The following TBCA variants were observed in gnomAD, a reference collection of about 807,000 sequenced individuals.
TBCA encodes the protein tubulin folding cofactor A.
Under a neutral mutation model 15.8 loss-of-function variants are expected in TBCA, and 6 were observed. That is an observed-to-expected ratio of 0.38 (90% CI 0.21 to 0.75). The LOEUF (loss-of-function observed/expected upper bound fraction) is 0.75. Ranked by LOEUF, TBCA falls within the 30% of genes least tolerant of loss-of-function variation. The pLI, the probability that TBCA is intolerant of heterozygous loss-of-function variation, is 0.46. For synonymous variants in TBCA, 32 were observed against 42.3 expected (o/e 0.76, Z 0.94); for missense variants, 90 against 131.2 (o/e 0.69, Z 1.53).
At chr5:77,724,504 G>C (rs905762606) in intron 1 of TBCA, among the ~76,000 whole-genome samples, 1 of 151,944 alleles carries the variant, frequency 6.6e-6, no homozygotes, top group East Asian at 1.9e-4. Flanking sequence ...CATGTCAGAG[G>C]ACAATACTAT....
At chr5:77,737,581 G>C (rs1746939579) in intron 1 of TBCA, among the ~76,000 whole-genome samples, 1 of 152,100 alleles carries the variant, frequency 6.6e-6, no homozygotes, top group Non-Finnish European at 1.5e-5. Context: ...CCTGTCTCAG[G>C]TTCATCGTTT....
Position 77,755,161 on chromosome 5 carries a change from G to A in TBCA, c.53+21044C>T, listed in dbSNP as rs190638987. Among the ~76,000 whole-genome samples the A allele has an allele frequency of 2.1e-3, 327 of 152,346 alleles. 1 individual carries two copies. Among genetic ancestry groups the A allele is most frequent in the African/African-American group, 7.5e-3 (312 of 41,570 alleles). On this transcript the variant is annotated intron_variant, in intron 1 of 3. Coordinates refer to ENST00000380377, the MANE Select transcript of TBCA (RefSeq NM_004607.3). The stretch of plus-strand genomic sequence containing the variant: ...CAGTGGATTTTATCTCAGTAGAAAA[G>A]TAGCAGCAGACTTAAAGCAGGCAGA...
chr5:77,702,766 T>C (rs352555), intron 2 of TBCA, among the ~76,000 whole-genome samples: 57,866 of 152,074 alleles, frequency 0.38, 11,047 homozygotes, highest in South Asian at 0.41. Context: ...TCTTTGAATA[T>C]CTTTTGGAAT....
intron 1 of TBCA, among the ~76,000 whole-genome samples, chr5:77,774,714 T>C (rs1210903679): frequency 6.6e-6 from 1 of 152,174 alleles, no homozygotes; most frequent in Non-Finnish European, 1.5e-5. Context: ...CTCGGGCACA[T>C]GTCATCAGGA....
intron 1 of TBCA, among the ~76,000 whole-genome samples, chr5:77,713,867 G>A (rs1746336645): frequency 6.6e-6 from 1 of 151,364 alleles, no homozygotes. Flanking sequence ...ATAACCCACA[G>A]GAGTTATAGA....
chr5:77,717,884 C>A (rs906736577), intron 1 of TBCA, among the ~76,000 whole-genome samples: 1 of 151,544 alleles, frequency 6.6e-6, no homozygotes, highest in Non-Finnish European at 1.5e-5. Flanking sequence ...AATCCCAGCA[C>A]TTTGGGAGGC....
intron 1 of TBCA, among the ~76,000 whole-genome samples, chr5:77,761,204 T>C (rs1249095715): frequency 1.3e-5 from 2 of 149,858 alleles, no homozygotes; most frequent in Non-Finnish European, 3.0e-5. Flanking sequence ...AAGGGGGAAA[T>C]GTGGGGAAAA....
At chr5:77,762,460 G>A (rs1442398605) in intron 1 of TBCA, among the ~76,000 whole-genome samples, 1 of 152,024 alleles carries the variant, frequency 6.6e-6, no homozygotes, top group African/African-American at 2.4e-5. Context: ...AGAAGATGAG[G>A]GGTATAATCT....
intron 2 of TBCA, among the ~76,000 whole-genome samples, chr5:77,697,768 T>C (rs1467739113): frequency 6.6e-6 from 1 of 151,492 alleles, no homozygotes; most frequent in African/African-American, 2.4e-5. Context: ...CAGAAGGAAA[T>C]AATATATAAG....
At chr5:77,692,584 G>T in intron 3 of TBCA, 1 of 985,030 alleles carries the variant, frequency 1.0e-6, no homozygotes, top group Non-Finnish European at 1.2e-6. Context: ...TGCACCTGGC[G>T]GCCAACATTA....
intron 1 of TBCA, among the ~76,000 whole-genome samples, chr5:77,767,574 G>A (rs1049234336): frequency 6.6e-6 from 1 of 152,124 alleles, no homozygotes; most frequent in Non-Finnish European, 1.5e-5. Flanking sequence ...CTGGGGCTTG[G>A]GGGTAGGGAA....
intron 1 of TBCA, among the ~76,000 whole-genome samples, chr5:77,724,106 A>G (rs149744044): frequency 6.6e-6 from 1 of 152,196 alleles, no homozygotes; most frequent in African/African-American, 2.4e-5. Flanking sequence ...TTCAACAACA[A>G]TCATGTAAAC....
intron 1 of TBCA, among the ~76,000 whole-genome samples, chr5:77,763,349 G>A (rs895872088): frequency 6.6e-6 from 1 of 152,114 alleles, no homozygotes; most frequent in African/African-American, 2.4e-5. Flanking sequence ...GTAAAATTAA[G>A]AAGTCTATCA....
intron 1 of TBCA, among the ~76,000 whole-genome samples, chr5:77,731,501 G>T (rs1561273679): frequency 6.6e-6 from 1 of 152,168 alleles, no homozygotes; most frequent in African/African-American, 2.4e-5. Flanking sequence ...AATATTTTAA[G>T]TGTCATCCAA....
In TBCA at chr5:77,708,226, T is replaced by C. The variant is rs1402424433; in HGVS notation, c.159+16A>G. The C allele has an allele frequency of 1.6e-6, 2 of 1,235,804 alleles. No homozygotes were observed. Among genetic ancestry groups the C allele is most frequent in the Non-Finnish European group, 2.3e-6 (2 of 877,508 alleles). 76.6% of individuals were successfully genotyped at this position (1,235,804 alleles called of 1,614,324 possible). On this transcript the variant is annotated intron_variant, in intron 2 of 3. Transcript: ENST00000380377. The stretch of plus-strand genomic sequence containing the variant: ...TCTGTAAATGTTAGCTATTGTTATT[T>C]ATGATATAATTTTACCTGCTTTTTA...
At chr5:77,712,849 T>C (rs1454111335) in intron 1 of TBCA, among the ~76,000 whole-genome samples, 1 of 152,212 alleles carries the variant, frequency 6.6e-6, no homozygotes, top group African/African-American at 2.4e-5. Flanking sequence ...ATTACTTTTA[T>C]AAAATTTGAA....
intron 1 of TBCA, among the ~76,000 whole-genome samples, chr5:77,715,473 A>G (rs2112448649): frequency 6.6e-6 from 1 of 152,318 alleles, no homozygotes; most frequent in South Asian, 2.1e-4. Context: ...AAGGTAGAAG[A>G]TATTAATGAT....
At chr5:77,699,316 A>G (rs1270364865) in intron 2 of TBCA, among the ~76,000 whole-genome samples, 6 of 152,170 alleles carry the variant, frequency 3.9e-5, no homozygotes, top group African/African-American at 1.4e-4. Context: ...TTTGAAAAAA[A>G]TAAAATAAAA....
intron 2 of TBCA, among the ~76,000 whole-genome samples, chr5:77,695,123 G>T (rs985967414): frequency 1.5e-4 from 23 of 152,238 alleles, no homozygotes; most frequent in African/African-American, 5.5e-4. Flanking sequence ...TCAAATCCAT[G>T]ACAAGTCACA....
Sources: allele counts gnomAD v4.1 joint callset (sites outside exome capture counted in the v4.1 genomes callset), GRCh38; gene constraint gnomAD v4.1.1; transcripts MANE v1.5; gene names NCBI Gene and HGNC (gene_info 2026-07-23, HGNC 2026-07-21).